The following STAG1 variants were observed in gnomAD, a reference collection of about 807,000 sequenced individuals.
STAG1 encodes STAG1 cohesin complex component, also known as cohesin subunit SA-1.
Under a neutral mutation model 170.9 loss-of-function variants are expected in STAG1, and 26 were observed. The ratio of observed to expected loss-of-function variants is 0.15; its 90% CI spans 0.11 to 0.21. The LOEUF is 0.21. Among genes scored for constraint, STAG1 ranks in the 10% least tolerant of loss-of-function variants. The probability of loss-of-function intolerance (pLI) is 1.00; values close to 1 mark genes in which losing one functional copy is unlikely to be tolerated. For synonymous variants in STAG1, 514 were observed against 497.7 expected (o/e 1.03, Z -0.44); for missense variants, 964 against 1,509.5 (o/e 0.64, Z 5.99).
At chr3:136,667,793 G>A (rs1941839390) in intron 1 of STAG1, among the ~76,000 whole-genome samples, 2 of 152,042 alleles carry the variant, frequency 1.3e-5, no homozygotes, top group Admixed American at 1.3e-4. Flanking sequence ...ACTGCCCCTG[G>A]CCCCATTTCT....
At chr3:136,553,502 G>A (rs1175856095) in intron 5 of STAG1, among the ~76,000 whole-genome samples, 1 of 152,208 alleles carries the variant, frequency 6.6e-6, no homozygotes. Context: ...TGGGCCGGGT[G>A]TGGTGGCTCA....
intron 1 of STAG1, among the ~76,000 whole-genome samples, chr3:136,724,576 T>A (rs1477182015): frequency 7.2e-6 from 1 of 139,836 alleles, no homozygotes; most frequent in African/African-American, 2.8e-5. Flanking sequence ...TCCCCCTCTG[T>A]GAGAAACACC....
At chr3:136,591,533 T>C (rs1938181181) in intron 4 of STAG1, 2 of 439,500 alleles carry the variant, frequency 4.6e-6, no homozygotes, top group South Asian at 3.3e-5. Context: ...ACTGACCTAT[T>C]TGAAAGGTCA....
At chr3:136,422,701 G>A in intron 18 of STAG1, 67 bp downstream of exon 18, 1 of 1,519,660 alleles carries the variant, frequency 6.6e-7, no homozygotes, top group Non-Finnish European at 8.9e-7. Context: ...AAGTCTATAA[G>A]AGTACATGAA....
At chr3:136,708,751 G>C (rs1943297474) in intron 1 of STAG1, among the ~76,000 whole-genome samples, 1 of 151,998 alleles carries the variant, frequency 6.6e-6, no homozygotes, top group Non-Finnish European at 1.5e-5. Context: ...ATTGTTAGGT[G>C]CTTAGTTTCA....
chr3:136,347,621 T>G (rs1008220958), intron 29 of STAG1, among the ~76,000 whole-genome samples: 7 of 152,196 alleles, frequency 4.6e-5, no homozygotes, highest in African/African-American at 1.7e-4. Context: ...TTTTGAAATA[T>G]AGATGCTTTG....
chr3:136,339,163 C>T (rs1302779398), intron 32 of STAG1, among the ~76,000 whole-genome samples: 2 of 152,126 alleles, frequency 1.3e-5, no homozygotes, highest in South Asian at 2.1e-4. Context: ...AGGAAGAAGG[C>T]AGCCATCTAC....
intron 7 of STAG1, among the ~76,000 whole-genome samples, chr3:136,506,042 C>G (rs1933742984): frequency 6.6e-6 from 1 of 152,146 alleles, no homozygotes; most frequent in Non-Finnish European, 1.5e-5. Context: ...TTAACCTATC[C>G]TCTCCTTAAG....
intron 15 of STAG1, among the ~76,000 whole-genome samples, chr3:136,433,865 A>C (rs1339979033): frequency 6.6e-6 from 1 of 152,158 alleles, no homozygotes; most frequent in Non-Finnish European, 1.5e-5. Context: ...ATACAAAGTA[A>C]AGAATAAGAG....
intron 23 of STAG1, among the ~76,000 whole-genome samples, chr3:136,370,352 T>G (rs190541727): frequency 6.6e-6 from 1 of 152,038 alleles, no homozygotes; most frequent in Non-Finnish European, 1.5e-5. Flanking sequence ...TTTCTTTTTT[T>G]AATTTTATTA....
chr3:136,533,230 A>G (rs1455630936), intron 6 of STAG1, among the ~76,000 whole-genome samples: 1 of 152,168 alleles, frequency 6.6e-6, no homozygotes, highest in African/African-American at 2.4e-5. Context: ...GAAAACTACA[A>G]AAGACTGATG....
chr3:136,624,865 G>A (rs1940028548), intron 2 of STAG1, among the ~76,000 whole-genome samples: 1 of 152,114 alleles, frequency 6.6e-6, no homozygotes, highest in African/African-American at 2.4e-5. Context: ...CTACCACAAA[G>A]ACACAACAGG....
chr3:136,513,467 G>GAAAATAAAC (rs1223348410), intron 7 of STAG1, among the ~76,000 whole-genome samples: 1 of 151,666 alleles, frequency 6.6e-6, no homozygotes, highest in Non-Finnish European at 1.5e-5. Flanking sequence ...CAAAGAAATG[G>GAAAATAAAC]AAAATAAACA....
chr3:136,689,273 A>C (rs1942636863), intron 1 of STAG1, among the ~76,000 whole-genome samples: 1 of 152,236 alleles, frequency 6.6e-6, no homozygotes, highest in South Asian at 2.1e-4. Context: ...TTCAATTGCC[A>C]AACCTAGAAT....
chr3:136,700,320 C>T (rs560890135), intron 1 of STAG1, among the ~76,000 whole-genome samples: 14 of 150,320 alleles, frequency 9.3e-5, no homozygotes, highest in South Asian at 4.3e-4. Flanking sequence ...AACTAGGTTT[C>T]GAATCTCGGT....
intron 16 of STAG1, among the ~76,000 whole-genome samples, chr3:136,432,086 C>T (rs981645428): frequency 6.6e-6 from 1 of 152,136 alleles, no homozygotes; most frequent in Non-Finnish European, 1.5e-5. Flanking sequence ...TTCTGAGGCT[C>T]TGATAGTATT....
At position 136,338,166 on chromosome 3, in the gene STAG1, A is replaced by C; in HGVS notation, c.*88T>G. On this transcript the variant is annotated 3_prime_UTR_variant, in exon 34 of 34. Transcript: ENST00000383202. ...TAAAAAACAAATCAGATCACATCAAAAGTGTTTTTCCCCATACAAGCTATC... is the reference window on the plus strand; with the variant it reads ...TAAAAAACAAATCAGATCACATCAACAGTGTTTTTCCCCATACAAGCTATC... The C allele has an allele frequency of 1.2e-6, 1 of 863,174 alleles. No individual in the cohort carries two copies. Among genetic ancestry groups the C allele is most frequent in the Non-Finnish European group, 1.9e-6 (1 of 526,556 alleles). The allele number at this position is 863,174 out of a possible 1,614,324, so 53.5% of individuals were successfully genotyped here.
At chr3:136,613,313 C>CAAAAAAAAAAAAAAAAAAAAAAAAA (rs60449608) in intron 3 of STAG1, among the ~76,000 whole-genome samples, 2 of 59,758 alleles carry the variant, frequency 3.3e-5, no homozygotes, top group Non-Finnish European at 5.6e-5. Flanking sequence ...GACTCCGTCT[C>CAAAAAAAAAAAAAAAAAAAAAAAAA]AAAAAAAAAA....
intron 1 of STAG1, among the ~76,000 whole-genome samples, chr3:136,658,491 C>T (rs1258591391): frequency 6.6e-6 from 1 of 151,930 alleles, no homozygotes; most frequent in Non-Finnish European, 1.5e-5. Context: ...TAACTATACA[C>T]CAGCATAGCT....
Sources: allele counts gnomAD v4.1 joint callset (sites outside exome capture counted in the v4.1 genomes callset), GRCh38; gene constraint gnomAD v4.1.1; transcripts MANE v1.5; gene names NCBI Gene and HGNC (gene_info 2026-07-23, HGNC 2026-07-21).